Variants in WWOX observed in about 807,000 individuals in gnomAD.
WWOX encodes WW domain-containing oxidoreductase.
In WWOX, 69 loss-of-function variants were observed where a neutral mutation model predicts 46.2. The ratio of observed to expected loss-of-function variants is 1.49; its 90% CI spans 1.23 to 1.82. The LOEUF is 1.82. Ranked by LOEUF, WWOX falls within the 40% of genes most tolerant of loss-of-function variation. The probability of loss-of-function intolerance (pLI) is 0.00; values close to 1 mark genes in which losing one functional copy is unlikely to be tolerated. For synonymous variants in WWOX, 359 were observed against 202.6 expected (o/e 1.77, Z -6.56); for missense variants, 919 against 542.6 (o/e 1.69, Z -6.89).
At chr16:78,390,103 G>T (rs2082148317) in intron 6 of WWOX, among the ~76,000 whole-genome samples, 1 of 152,168 alleles carries the variant, frequency 6.6e-6, no homozygotes, top group African/African-American at 2.4e-5. Context: ...CTTTCGCAGG[G>T]TCACTTAGCA....
At chr16:78,358,864 G>A (rs1182638566) in intron 5 of WWOX, among the ~76,000 whole-genome samples, 29 of 46,466 alleles carry the variant, frequency 6.2e-4, no homozygotes, top group African/African-American at 2.4e-3. Context: ...TCACACTGTG[G>A]TCTTTTTTTT....
intron 4 of WWOX, among the ~76,000 whole-genome samples, chr16:78,134,097 C>T (rs562672870): frequency 6.6e-6 from 1 of 152,076 alleles, no homozygotes; most frequent in Admixed American, 6.6e-5. Flanking sequence ...GAGAACTAAC[C>T]CTTGTGACGA....
At chr16:78,586,002 A>C (rs116412443) in intron 8 of WWOX, among the ~76,000 whole-genome samples, 1,785 of 152,196 alleles carry the variant, frequency 0.012, 35 homozygotes, top group African/African-American at 0.04. Context: ...GTTAGAGACC[A>C]GCCTGGGCAA....
intron 8 of WWOX, among the ~76,000 whole-genome samples, chr16:78,652,118 A>G (rs949961886): frequency 7.2e-5 from 11 of 152,028 alleles, no homozygotes; most frequent in African/African-American, 2.7e-4. Flanking sequence ...TGGTCACTTA[A>G]AAGATGTTTG....
rs145954658 is a variant in WWOX, at chr16:79,099,213, CA to C, written c.1057-112392del. Among the ~76,000 whole-genome samples the C allele has an allele frequency of 3.6e-3, 548 of 152,314 alleles. 4 individuals are homozygous for C. The highest frequency in any genetic ancestry group is 0.012 in the African/African-American group (508 of 41,558). ...TCATGAGGGATCCGTCCCCATGACCCAAACACCTCCCGGTAGGCTCCATCTC... is the reference window on the plus strand; with the variant it reads ...TCATGAGGGATCCGTCCCCATGACCCAACACCTCCCGGTAGGCTCCATCTC... On this transcript the variant is annotated intron_variant, in intron 8 of 8. Transcript: ENST00000566780.
chr16:78,687,380 A>G (rs1305351968), intron 8 of WWOX, among the ~76,000 whole-genome samples: 1 of 152,202 alleles, frequency 6.6e-6, no homozygotes, highest in African/African-American at 2.4e-5. Context: ...AAAGTCCTTC[A>G]TTTTCAGTGT....
chr16:78,327,521 G>A (rs1036963612), intron 5 of WWOX, among the ~76,000 whole-genome samples: 4 of 152,122 alleles, frequency 2.6e-5, no homozygotes, highest in East Asian at 3.9e-4. Context: ...AACATGGAGC[G>A]CTCAGCAAAT....
At chr16:78,870,775 G>A (rs779565593) in intron 8 of WWOX, among the ~76,000 whole-genome samples, 1 of 152,090 alleles carries the variant, frequency 6.6e-6, no homozygotes, top group Non-Finnish European at 1.5e-5. Context: ...CTAAATTTTT[G>A]TATTTTAGTA....
intron 8 of WWOX, among the ~76,000 whole-genome samples, chr16:79,122,840 T>C (rs140330171): frequency 5.3e-5 from 8 of 152,310 alleles, no homozygotes; most frequent in Middle Eastern, 3.4e-3. Context: ...CATCTTCATA[T>C]GCCCATTTTA....
At chr16:79,165,578 G>A (rs974967538) in intron 8 of WWOX, among the ~76,000 whole-genome samples, 2 of 152,184 alleles carry the variant, frequency 1.3e-5, no homozygotes, top group Non-Finnish European at 2.9e-5. Flanking sequence ...GTTGTATTCT[G>A]TTCCCTCTTT....
chr16:78,159,263 A>G (rs1297413707), intron 4 of WWOX, among the ~76,000 whole-genome samples: 1 of 152,160 alleles, frequency 6.6e-6, no homozygotes, highest in Non-Finnish European at 1.5e-5. Context: ...GCTGCAGTGA[A>G]CATGAGAGGG....
chr16:78,430,117 A>T (rs1243742378), intron 7 of WWOX, among the ~76,000 whole-genome samples: 1 of 152,196 alleles, frequency 6.6e-6, no homozygotes, highest in Non-Finnish European at 1.5e-5. Flanking sequence ...ATGGCGGAAG[A>T]TGAAGGAAGG....
At chr16:78,157,505 C>T (rs1409582652) in intron 4 of WWOX, among the ~76,000 whole-genome samples, 1 of 152,212 alleles carries the variant, frequency 6.6e-6, no homozygotes, top group Non-Finnish European at 1.5e-5. Flanking sequence ...TTACTACCCA[C>T]ACACCCAAGG....
At chr16:78,287,055 A>G (rs1287266963) in intron 5 of WWOX, among the ~76,000 whole-genome samples, 1 of 152,176 alleles carries the variant, frequency 6.6e-6, no homozygotes, top group Non-Finnish European at 1.5e-5. Context: ...GGAATTAGCC[A>G]TTTGGTAATA....
intron 6 of WWOX, among the ~76,000 whole-genome samples, chr16:78,409,717 G>T (rs1010922261): frequency 1.6e-4 from 24 of 152,116 alleles, no homozygotes; most frequent in African/African-American, 5.8e-4. Flanking sequence ...TAAGGTGTCG[G>T]TATGGCTCTG....
At chr16:78,728,386 C>T (rs1280634480) in intron 8 of WWOX, among the ~76,000 whole-genome samples, 3 of 152,174 alleles carry the variant, frequency 2.0e-5, no homozygotes, top group South Asian at 2.1e-4. Flanking sequence ...GATAACATTT[C>T]TATAAAATAT....
chr16:78,658,245 T>A (rs1020956645), intron 8 of WWOX, among the ~76,000 whole-genome samples: 2 of 152,168 alleles, frequency 1.3e-5, no homozygotes, highest in South Asian at 2.1e-4. Flanking sequence ...TTTGGTTCTT[T>A]CCATGAGAAA....
In WWOX at chr16:78,912,736, A is replaced by T. The variant is rs538687884; in HGVS notation, c.1057-298872A>T. ...TATGGTCTTTACTTGTGATTAGGCA[A>T]TGGTAAAATTGATTCTCTAAAACCA... On this transcript the variant is annotated intron_variant, in intron 8 of 8. Coordinates refer to ENST00000566780, the MANE Select transcript of WWOX (RefSeq NM_016373.4). Among the ~76,000 whole-genome samples the T allele has an allele frequency of 2.6e-5, 4 of 152,124 alleles. No individual in the cohort carries two copies. The East Asian group carries it at 7.7e-4, about 29-fold the overall frequency.
intron 3 of WWOX, among the ~76,000 whole-genome samples, chr16:78,111,043 C>T (rs1597211955): frequency 1.3e-5 from 2 of 151,448 alleles, no homozygotes; most frequent in Admixed American, 1.3e-4. Context: ...GTAACATAAA[C>T]GTTTCAGTAT....
Sources: allele counts gnomAD v4.1 joint callset (sites outside exome capture counted in the v4.1 genomes callset), GRCh38; gene constraint gnomAD v4.1.1; transcripts MANE v1.5; gene names NCBI Gene and HGNC (gene_info 2026-07-23, HGNC 2026-07-21).